Variants in ERBB4 observed in about 807,000 individuals in gnomAD.
The protein encoded by ERBB4 is erb-b2 receptor tyrosine kinase 4, also known as receptor tyrosine-protein kinase erbB-4.
ERBB4 carries 42 observed loss-of-function variants against 158.0 expected under a neutral mutation model. That is an observed-to-expected ratio of 0.27 (90% CI 0.21 to 0.34). The LOEUF is 0.34. ERBB4 is among the 10% of genes least tolerant of loss of function. ERBB4 has a pLI of 1.00. For synonymous variants in ERBB4, 583 were observed against 558.7 expected, an observed-to-expected ratio of 1.04 and a Z score of -0.61; for missense variants, 1,333 against 1,624.1, an observed-to-expected ratio of 0.82 and a Z score of 3.08.
chr2:211,956,323 T>C (rs2081030645), intron 2 of ERBB4, among the ~76,000 whole-genome samples: 1 of 152,088 alleles, frequency 6.6e-6, no homozygotes, highest in Non-Finnish European at 1.5e-5. Flanking sequence ...AGAGCTGAAG[T>C]AAAAAGAAAT....
At chr2:212,519,598 T>A (rs1464115720) in intron 1 of ERBB4, among the ~76,000 whole-genome samples, 1 of 151,950 alleles carries the variant, frequency 6.6e-6, no homozygotes, top group African/African-American at 2.4e-5. Context: ...AGATGACTAT[T>A]CAGCCATTAA....
chr2:211,757,258 T>C (rs2075306530), intron 4 of ERBB4, among the ~76,000 whole-genome samples: 4 of 152,164 alleles, frequency 2.6e-5, no homozygotes, highest in Non-Finnish European at 4.4e-5. Context: ...GAAAACTAAG[T>C]ATAAAATGGA....
chr2:211,781,070 G>A (rs1450035004), intron 4 of ERBB4, among the ~76,000 whole-genome samples: 1 of 151,852 alleles, frequency 6.6e-6, no homozygotes, highest in Non-Finnish European at 1.5e-5. Flanking sequence ...CTTATTTTTT[G>A]CTTTACTACA....
At chr2:211,688,997 CA>C (rs1422387259) in intron 12 of ERBB4, among the ~76,000 whole-genome samples, 4 of 151,752 alleles carry the variant, frequency 2.6e-5, no homozygotes, top group Admixed American at 1.3e-4. Context: ...TATATTATGA[CA>C]TTTTATCTTC....
chr2:211,514,253 T>A lies in ERBB4; in HGVS notation c.2487+47650A>T, dbSNP rs545903938. Among the ~76,000 whole-genome samples, 114 of 152,256 alleles carry A rather than the reference T, an allele frequency of 7.5e-4. No homozygotes were observed. In the Middle Eastern group the frequency reaches 0.017, roughly 23 times the overall value. On this transcript the variant is annotated intron_variant, in intron 20 of 27. Transcript: ENST00000342788. ...CTAACAGCTAAGTTTTGTTTCGATG[T>A]TGCTTCTAAATATGAAACCTATCTC...
chr2:212,049,663 G>A (rs1201031242), intron 2 of ERBB4, among the ~76,000 whole-genome samples: 1 of 152,158 alleles, frequency 6.6e-6, no homozygotes, highest in Non-Finnish European at 1.5e-5. Flanking sequence ...ATACCAGTTG[G>A]TTGTTGATAT....
chr2:211,578,013 G>A (rs1337262654), intron 19 of ERBB4, among the ~76,000 whole-genome samples: 2 of 152,150 alleles, frequency 1.3e-5, no homozygotes, highest in Non-Finnish European at 2.9e-5. Flanking sequence ...AAGCGAGGAA[G>A]TCAAACTCTG....
chr2:211,502,682 G>A (rs368016945), intron 20 of ERBB4, among the ~76,000 whole-genome samples: 1 of 152,108 alleles, frequency 6.6e-6, no homozygotes, highest in Admixed American at 6.5e-5. Context: ...ATGTATAAAT[G>A]TAGAGTACAA....
At chr2:211,471,659 C>A (rs1169852081) in intron 20 of ERBB4, among the ~76,000 whole-genome samples, 2 of 152,046 alleles carry the variant, frequency 1.3e-5, no homozygotes, top group East Asian at 3.9e-4. Context: ...AGGCAGGGAA[C>A]CCAGCTGAGA....
intron 1 of ERBB4, among the ~76,000 whole-genome samples, chr2:212,524,285 C>T (rs1692328635): frequency 6.6e-6 from 1 of 151,462 alleles, no homozygotes; most frequent in Admixed American, 6.6e-5. Flanking sequence ...TAATTTTTTC[C>T]TCTCCTTATC....
rs777088560 is a variant in ERBB4 at position 211,383,620 on chromosome 2, C to T, written c.3922G>A (p.Val1308Met). The change falls in exon 28 of 28, where the codon GTG (valine) becomes ATG (methionine). Residue 1308 changes from valine to methionine, a missense_variant. By Grantham distance (21) the Val-to-Met change is conservative. Transcript: ENST00000342788. ...CTAAAAAACCACAACTGAGCTTACA[C>T]CACAGTATTCCGGTGTCTGTAAGGT... is the stretch of plus-strand genomic sequence containing the variant. ...PPPYRHRNTV[V>M] 6.2e-7 allele frequency: 1 copy of T among 1,612,610 alleles called. No homozygotes were observed. The highest frequency in any genetic ancestry group is 1.1e-5 in the South Asian group (1 of 91,008).
intron 2 of ERBB4, among the ~76,000 whole-genome samples, chr2:212,091,363 GCAGGTAAACTAAAACAT>G (rs1234412795): frequency 1.3e-5 from 2 of 152,006 alleles, no homozygotes; most frequent in Non-Finnish European, 2.9e-5. Context: ...ATTCTACCAG[GCAGGTAAACTAAAACAT>G]CAGGTGATTG....
rs142427118 is a variant in ERBB4 at position 211,990,282 on chromosome 2, T to G, written c.235-42666A>C. 4.8e-3 allele frequency among the ~76,000 whole-genome samples: 723 copies of G among 152,012 alleles called. 6 individuals are homozygous for G. The highest frequency in any genetic ancestry group is 0.016 in the African/African-American group (677 of 41,544). ...ATAATAAAAAAGCCATTAAAATATC[T>G]GGGGGGATTAAGATAGTTAGGTCTG... On this transcript the variant is annotated intron_variant, in intron 2 of 27. Coordinates refer to ENST00000342788, the MANE Select transcript of ERBB4 (RefSeq NM_005235.3).
intron 12 of ERBB4, among the ~76,000 whole-genome samples, chr2:211,700,103 T>C (rs1174574904): frequency 6.6e-6 from 1 of 152,110 alleles, no homozygotes; most frequent in African/African-American, 2.4e-5. Flanking sequence ...AAGGTAGTGG[T>C]ACTAATTTTT....
chr2:211,661,777 C>T (rs992051078), intron 15 of ERBB4, among the ~76,000 whole-genome samples: 8 of 151,866 alleles, frequency 5.3e-5, no homozygotes, highest in Admixed American at 4.6e-4. Context: ...CGGTGGCTCA[C>T]GCCTGTAATC....
chr2:211,712,485 C>T (rs1362445864), intron 8 of ERBB4, among the ~76,000 whole-genome samples: 1 of 152,030 alleles, frequency 6.6e-6, no homozygotes, highest in Non-Finnish European at 1.5e-5. Flanking sequence ...TAAATCAATA[C>T]TCCTCCTAAC....
At chr2:211,880,130 C>T (rs988984803) in intron 3 of ERBB4, among the ~76,000 whole-genome samples, 1 of 151,890 alleles carries the variant, frequency 6.6e-6, no homozygotes, top group Non-Finnish European at 1.5e-5. Context: ...GAAATACAAA[C>T]TTCCTTCTCT....
chr2:211,522,160 T>C (rs1295150544), intron 20 of ERBB4, among the ~76,000 whole-genome samples: 1 of 152,118 alleles, frequency 6.6e-6, no homozygotes, highest in Non-Finnish European at 1.5e-5. Flanking sequence ...AAATTGAAAA[T>C]CTTCTGAAAA....
rs778301266 is a variant in ERBB4, at chr2:212,052,488, G to C, written c.234+72264C>G. On this transcript the variant is annotated intron_variant, in intron 2 of 27. Coordinates refer to ENST00000342788, the MANE Select transcript of ERBB4 (RefSeq NM_005235.3). ...CTATCCTACTAGTTCTGTCCCCCTA[G>C]AGAACCATGACTAATACAGTCTGCT... Among the ~76,000 whole-genome samples the C allele has an allele frequency of 3.8e-4, 58 of 152,152 alleles. 1 individual carries two copies. The highest frequency in any genetic ancestry group is 5.8e-4 in the African/African-American group (24 of 41,418).
Sources: gnomAD v4.1 joint callset for allele counts (sites outside exome capture counted in the v4.1 genomes callset) on GRCh38, gnomAD v4.1.1 for gene constraint, MANE v1.5 for transcripts, NCBI Gene and HGNC (gene_info 2026-07-23, HGNC 2026-07-21) for gene names.